The following RNLS variants were observed in gnomAD, a reference collection of about 807,000 sequenced individuals.
RNLS encodes renalase, FAD dependent amine oxidase.
In RNLS, 39 loss-of-function variants were observed where a neutral mutation model predicts 39.8. The observed-to-expected ratio is 0.98, with a 90% CI of 0.76 to 1.28. The LOEUF is 1.28. RNLS is among the 50% of genes most tolerant of loss of function. RNLS has a pLI of 0.00. For missense variants in RNLS, 410 were observed against 413.3 expected (o/e 0.99, Z 0.07); for synonymous variants, 147 against 150.7 (o/e 0.98, Z 0.18).
chr10:88,319,201 A>C (rs1036796800), intron 5 of RNLS, among the ~76,000 whole-genome samples: 1 of 152,188 alleles, frequency 6.6e-6, no homozygotes, highest in Non-Finnish European at 1.5e-5. Context: ...CTCTGAAAGC[A>C]CCTGGAAAGG....
At chr10:88,199,739 G>C in the RNLS span, among the ~76,000 whole-genome samples, 1 of 152,290 alleles carries the variant, frequency 6.6e-6, no homozygotes, top group East Asian at 1.9e-4. Context: ...GTAGAGGGAA[G>C]GGAAAACATC....
At chr10:88,470,892 G>A (rs532585200) in intron 4 of RNLS, among the ~76,000 whole-genome samples, 5 of 152,138 alleles carry the variant, frequency 3.3e-5, no homozygotes, top group Non-Finnish European at 7.4e-5. Flanking sequence ...GGGATTACAG[G>A]TGTGAGCCAC....
At chr10:88,483,847 G>A (rs918433854) in intron 4 of RNLS, among the ~76,000 whole-genome samples, 1 of 151,966 alleles carries the variant, frequency 6.6e-6, no homozygotes, top group Non-Finnish European at 1.5e-5. Context: ...CTTACAAATT[G>A]GTAGTAGTAA....
intron 5 of RNLS, among the ~76,000 whole-genome samples, chr10:88,326,837 C>T (rs1846654020): frequency 6.6e-6 from 1 of 152,210 alleles, no homozygotes; most frequent in Non-Finnish European, 1.5e-5. Context: ...TCTTGCAAAA[C>T]CACAAGGGTA....
At chr10:88,304,247 G>A (rs937701545) in intron 6 of RNLS, among the ~76,000 whole-genome samples, 2 of 152,214 alleles carry the variant, frequency 1.3e-5, no homozygotes, top group African/African-American at 4.8e-5. Context: ...AAGATGAGAA[G>A]GAATCAGTGC....
the RNLS span, among the ~76,000 whole-genome samples, chr10:88,244,871 G>A: frequency 6.6e-6 from 1 of 152,078 alleles, no homozygotes; most frequent in South Asian, 2.1e-4. Context: ...AAGTAAAAAT[G>A]GAACCTCCAT....
chr10:88,426,009 A>G (rs936923586), intron 4 of RNLS, among the ~76,000 whole-genome samples: 2 of 152,216 alleles, frequency 1.3e-5, no homozygotes, highest in East Asian at 3.9e-4. Flanking sequence ...AATTATCCCA[A>G]AACTAACTTG....
chr10:88,256,986 T>TA, the RNLS span, among the ~76,000 whole-genome samples: 5 of 152,044 alleles, frequency 3.3e-5, no homozygotes, highest in Non-Finnish European at 5.9e-5. Flanking sequence ...TGGATTTGTT[T>TA]AAAAAAATGG....
intron 4 of RNLS, among the ~76,000 whole-genome samples, chr10:88,462,715 T>C (rs1745499854): frequency 6.6e-6 from 1 of 151,978 alleles, no homozygotes; most frequent in Non-Finnish European, 1.5e-5. Flanking sequence ...TGTGGGGAAT[T>C]AGAGAATGCT....
intron 6 of RNLS, chr10:88,309,506 T>G: frequency 2.4e-6 from 3 of 1,241,594 alleles, no homozygotes; most frequent in Non-Finnish European, 3.2e-6. Flanking sequence ...CTTCAGCCAT[T>G]GCACATTTCC....
At position 88,434,598 on chromosome 10, in the gene RNLS, G is replaced by A. The variant is rs548637198; in HGVS notation, c.527-71873C>T. Among the ~76,000 whole-genome samples, 50 of 152,190 alleles carry A rather than the reference G, an allele frequency of 3.3e-4. 2 individuals are homozygous for A. Among genetic ancestry groups the A allele is most frequent in the African/African-American group, 1.1e-3 (46 of 41,550 alleles). On this transcript the variant is annotated intron_variant, in intron 4 of 6. Transcript: ENST00000331772. ...TCAATAAACTGGGATAACAGTCATGGTATTATACCTTACAGGTAATACTGT... is the reference window on the plus strand; with the variant it reads ...TCAATAAACTGGGATAACAGTCATGATATTATACCTTACAGGTAATACTGT...
chr10:88,197,050 T>C, the RNLS span, among the ~76,000 whole-genome samples: 1 of 152,316 alleles, frequency 6.6e-6, no homozygotes, highest in South Asian at 2.1e-4. Flanking sequence ...GTCCATGGCA[T>C]TGAGCTTGTA....
At chr10:88,521,364 C>T (rs917886815) in intron 4 of RNLS, among the ~76,000 whole-genome samples, 3 of 151,998 alleles carry the variant, frequency 2.0e-5, no homozygotes, top group Admixed American at 1.3e-4. Context: ...GACTCTGTTT[C>T]GTTCACAGGT....
At chr10:88,432,046 G>T (rs2133812037) in intron 4 of RNLS, among the ~76,000 whole-genome samples, 1 of 151,728 alleles carries the variant, frequency 6.6e-6, no homozygotes, top group East Asian at 1.9e-4. Context: ...TGACAAAGGG[G>T]CTTTGATAAC....
Position 88,420,293 on chromosome 10 carries a change from C to T in RNLS, c.527-57568G>A, listed in dbSNP as rs563940948. Among the ~76,000 whole-genome samples, 140 of 152,244 alleles carry T rather than the reference C, an allele frequency of 9.2e-4. 4 individuals are homozygous for T. The South Asian group carries it at 0.026, about 28-fold the overall frequency. On this transcript the variant is annotated intron_variant, in intron 4 of 6. Transcript: ENST00000331772. ...GTGCCATATAAACTGTTAAGACGTACAGTCCATTAAATATAAAGCTGGCTG... is the reference window on the plus strand; with the variant it reads ...GTGCCATATAAACTGTTAAGACGTATAGTCCATTAAATATAAAGCTGGCTG...
rs182154752 is a variant in RNLS at position 88,354,838 on chromosome 10, C to T, written c.700+7714G>A. Among the ~76,000 whole-genome samples the T allele has an allele frequency of 4.8e-4, 73 of 152,340 alleles. 2 individuals carry two copies. In the East Asian group the frequency reaches 9.8e-3, roughly 21 times the overall value. ...CAAGTTGGTTCCATTCTCCCCTTCA[C>T]TTTCGGGTACACCAATCAGACGTAG... On this transcript the variant is annotated intron_variant, in intron 5 of 6. Transcript: ENST00000331772.
chr10:88,545,445 G>A (rs1329973524), intron 4 of RNLS: 1 of 456,338 alleles, frequency 2.2e-6, no homozygotes, highest in Non-Finnish European at 4.4e-6. Flanking sequence ...AAAGAGCAAA[G>A]GCATGACTTA....
At chr10:88,559,578 C>T (rs1426375702) in intron 4 of RNLS, among the ~76,000 whole-genome samples, 1 of 152,166 alleles carries the variant, frequency 6.6e-6, no homozygotes, top group African/African-American at 2.4e-5. Context: ...CTATTTCAAA[C>T]TTTATGATAA....
intron 4 of RNLS, among the ~76,000 whole-genome samples, chr10:88,505,432 T>C (rs1845734593): frequency 6.6e-6 from 1 of 150,620 alleles, no homozygotes. Flanking sequence ...AGAAAAACTG[T>C]GTGCATGTGT....
Sources: allele counts gnomAD v4.1 joint callset (sites outside exome capture counted in the v4.1 genomes callset), GRCh38; gene constraint gnomAD v4.1.1; transcripts MANE v1.5; gene names NCBI Gene and HGNC (gene_info 2026-07-23, HGNC 2026-07-21).